The following MPI variants were observed in gnomAD, a reference collection of about 807,000 sequenced individuals.
MPI encodes mannose-6-phosphate isomerase.
Under a neutral mutation model 40.1 loss-of-function variants are expected in MPI, and 33 were observed. That is an observed-to-expected ratio of 0.82 (90% confidence interval 0.62 to 1.10). MPI has a LOEUF of 1.10. Among genes scored for constraint, MPI ranks in the 50% least tolerant of loss-of-function variants. The probability of loss-of-function intolerance (pLI) is 0.00; values close to 1 mark genes in which losing one functional copy is unlikely to be tolerated. For synonymous variants in MPI, 187 were observed against 207.4 expected (o/e 0.90, Z 0.85); for missense variants, 514 against 524.1 (o/e 0.98, Z 0.19).
At chr15:74,890,715 C>G (rs1417611391) in intron 2 of MPI, 61 bp downstream of exon 2, 2 of 1,604,904 alleles carry the variant, frequency 1.2e-6, no homozygotes, top group East Asian at 4.5e-5. Context: ...GGGCCTGAGG[C>G]AAGTCATAAG....
At chr15:74,896,004 G>C in intron 5 of MPI, 148 bp from the exon 6 acceptor site, 1 of 806,106 alleles carries the variant, frequency 1.2e-6, no homozygotes, top group East Asian at 2.6e-5. Flanking sequence ...CCCCCAAAGG[G>C]CTGGAGGCGT....
intron 7 of MPI, 128 bp from the exon 8 acceptor site, chr15:74,897,384 G>A: frequency 7.7e-7 from 1 of 1,292,350 alleles, no homozygotes; most frequent in Non-Finnish European, 1.1e-6. Flanking sequence ...AGGCCTCTAT[G>A]CTGACTGAGC....
At chr15:74,890,131 C>G in intron 1 of MPI, 42 bp downstream of exon 1, 1 of 1,606,070 alleles carries the variant, frequency 6.2e-7, no homozygotes, top group Non-Finnish European at 8.5e-7. Flanking sequence ...GTTCGTGGAG[C>G]GCGTCCTGGG....
intron 5 of MPI, chr15:74,895,928 A>G (rs918733596): frequency 6.8e-6 from 4 of 588,598 alleles, no homozygotes; most frequent in Non-Finnish European, 1.2e-5. Flanking sequence ...AGTCCTGGGC[A>G]TATGAATAGT....
Position 74,901,878 on chromosome 15 carries a change from T to G in MPI, c.*4148T>G, listed in dbSNP as rs1411676691. On this transcript the variant is annotated 3_prime_UTR_variant, in exon 8 of 8. Transcript: ENST00000352410. ...CTCACCCAGACCAAGGAAATACAAA[T>G]AAATAAATATGAACATGTCAGAGCA... The G allele has an allele frequency of 7.9e-6, 3 of 377,634 alleles. No individual in the cohort carries two copies. The highest frequency in any genetic ancestry group is 1.4e-5 in the Non-Finnish European group (3 of 213,800). 23.4% of individuals were successfully genotyped at this position (377,634 alleles called of 1,614,324 possible).
intron 5 of MPI, among the ~76,000 whole-genome samples, chr15:74,894,433 T>C (rs2064786535): frequency 6.6e-6 from 1 of 151,478 alleles, no homozygotes; most frequent in South Asian, 2.1e-4. Context: ...CTCACACCTG[T>C]AATCCTAACA....
chr15:74,894,617 C>G (rs1398575131), intron 5 of MPI, among the ~76,000 whole-genome samples: 6 of 99,340 alleles, frequency 6.0e-5, no homozygotes, highest in Non-Finnish European at 1.3e-4. Flanking sequence ...GAGTGAGACT[C>G]TGTCTCAAAA....
intron 1 of MPI, 194 bp from the exon 2 acceptor site, chr15:74,890,333 A>G: frequency 5.8e-6 from 5 of 862,284 alleles, no homozygotes; most frequent in Non-Finnish European, 7.4e-6. Flanking sequence ...AGATCAGCAC[A>G]AGGTCCTTAC....
At chr15:74,893,392 G>A in intron 5 of MPI, 72 bp downstream of exon 5, 4 of 1,564,596 alleles carry the variant, frequency 2.6e-6, no homozygotes, top group South Asian at 1.1e-5. Context: ...CAGACTCTGG[G>A]GACAGTTCTC....
intron 5 of MPI, among the ~76,000 whole-genome samples, chr15:74,894,107 T>TGTGTGAGCCAG (rs1555478772): frequency 1.6e-5 from 1 of 61,000 alleles, no homozygotes; most frequent in Non-Finnish European, 4.6e-5. Flanking sequence ...TGTGTGTGTG[T>TGTGTGAGCCAG]GGTCTCTTTC....
At chr15:74,892,959 C>G in intron 4 of MPI, 157 bp downstream of exon 4, 5 of 1,354,564 alleles carry the variant, frequency 3.7e-6, no homozygotes, top group African/African-American at 2.9e-5. Flanking sequence ...CCAGTGAGAC[C>G]AGGCTCAGGT....
chr15:74,894,080 G>GTTTTC, intron 5 of MPI, among the ~76,000 whole-genome samples: 1 of 61,316 alleles, frequency 1.6e-5, no homozygotes, highest in Non-Finnish European at 3.3e-5. Flanking sequence ...GTGTGTGTGT[G>GTTTTC]TGTGTGTGTG....
intron 1 of MPI, 44 bp downstream of exon 1, chr15:74,890,133 C>T (rs1360526395): frequency 1.2e-6 from 2 of 1,605,520 alleles, no homozygotes; most frequent in African/African-American, 1.3e-5. Flanking sequence ...TCGTGGAGCG[C>T]GTCCTGGGGA....
At chr15:74,896,816 C>A in intron 6 of MPI, 195 bp from the exon 7 acceptor site, 1 of 668,882 alleles carries the variant, frequency 1.5e-6, no homozygotes, top group Non-Finnish European at 2.7e-6. Flanking sequence ...TAACATGACT[C>A]CCCTCTGACA....
chr15:74,891,288 T>C (rs1184043617), intron 2 of MPI, 91 bp from the exon 3 acceptor site: 48 of 1,229,560 alleles, frequency 3.9e-5, no homozygotes, highest in Non-Finnish European at 1.4e-5. Flanking sequence ...TCAGTTGCCC[T>C]GTGGGGAGCA....
chr15:74,898,356 A>ACC lies in MPI; in HGVS notation c.*626_*627insCC. On this transcript the variant is annotated 3_prime_UTR_variant, in exon 8 of 8. Transcript: ENST00000352410. ...CATACAGCTTCTCGGGGGAGTGAGC[A>ACC]GGCTACACTCCAGAACACCGGTATG... The ACC allele has an allele frequency of 5.6e-6, 1 of 177,368 alleles. No homozygotes were observed. The highest frequency in any genetic ancestry group is 5.4e-5 in the Admixed American group (1 of 18,656). 11.0% of individuals were successfully genotyped at this position (177,368 alleles called of 1,614,324 possible).
chr15:74,890,239 G>T, intron 1 of MPI, 150 bp downstream of exon 1: 3 of 1,171,702 alleles, frequency 2.6e-6, no homozygotes, highest in South Asian at 1.3e-5. Context: ...CTGCGATGGG[G>T]ATTGACCTCC....
At chr15:74,890,690 G>T in intron 2 of MPI, 36 bp downstream of exon 2, 1 of 1,610,564 alleles carries the variant, frequency 6.2e-7, no homozygotes, top group Non-Finnish European at 8.5e-7. Flanking sequence ...CACTTTACCC[G>T]CAGGTCAGGA....
At chr15:74,895,138 T>G (rs1208578090) in intron 5 of MPI, among the ~76,000 whole-genome samples, 1 of 149,616 alleles carries the variant, frequency 6.7e-6, no homozygotes, top group Admixed American at 6.6e-5. Context: ...GCTTTTTTTT[T>G]TTTTTTTTTT....
Sources: allele counts gnomAD v4.1 joint callset (sites outside exome capture counted in the v4.1 genomes callset), GRCh38; gene constraint gnomAD v4.1.1; transcripts MANE v1.5; gene names NCBI Gene and HGNC (gene_info 2026-07-23, HGNC 2026-07-21).